ADGRV1: variants seen among roughly 807,000 people sequenced by gnomAD.
ADGRV1 encodes adhesion G protein-coupled receptor V1.
Under a neutral mutation model 596.2 loss-of-function variants are expected in ADGRV1, and 359 were observed. The ratio of observed to expected loss-of-function variants is 0.60; its 90% CI spans 0.55 to 0.66. The LOEUF is 0.66. ADGRV1 is among the 30% of genes least tolerant of loss of function. ADGRV1 has a pLI of 0.00. For synonymous variants in ADGRV1, 2,681 were observed against 2,679.2 expected, an observed-to-expected ratio of 1.00 and a Z score of -0.02; for missense variants, 7,274 against 7,575.6, an observed-to-expected ratio of 0.96 and a Z score of 1.48.
In ADGRV1 at chr5:90,666,903, GA is replaced by G. The variant is rs1380836064; in HGVS notation, c.4753-5639del. Among the ~76,000 whole-genome samples, 4 of 151,548 alleles carry G rather than the reference GA, an allele frequency of 2.6e-5. No homozygotes were observed. The East Asian group carries it at 7.9e-4, about 30-fold the overall frequency. ...TTGGCTGGATATGAAATTCTGGGTT[GA>G]AAATTCTTTTCTTTAAGAATGTTGA... On this transcript the variant is annotated intron_variant, in intron 21 of 89. Transcript: ENST00000405460.
At chr5:90,615,263 A>G (rs938824813) in intron 2 of ADGRV1, among the ~76,000 whole-genome samples, 1 of 151,920 alleles carries the variant, frequency 6.6e-6, no homozygotes, top group Non-Finnish European at 1.5e-5. Flanking sequence ...TAGTGTTCAT[A>G]TATTTATTTT....
At position 90,809,654 on chromosome 5, in the gene ADGRV1, C is replaced by T. The variant is rs114322174; in HGVS notation, c.14973-579C>T. Among the ~76,000 whole-genome samples, 1,327 of 152,168 alleles carry T rather than the reference C, an allele frequency of 8.7e-3. 26 individuals carry two copies. Among genetic ancestry groups the T allele is most frequent in the African/African-American group, 0.031 (1,283 of 41,512 alleles). ...CTGTAGACAGAATTAGGCCGAGAGACCAGCAGTTGTAACCTCTGATATAGC... is the reference window on the plus strand; with the variant it reads ...CTGTAGACAGAATTAGGCCGAGAGATCAGCAGTTGTAACCTCTGATATAGC... On this transcript the variant is annotated intron_variant, in intron 73 of 89. Coordinates refer to ENST00000405460, the MANE Select transcript of ADGRV1 (RefSeq NM_032119.4).
In ADGRV1 at chr5:90,888,151, A is replaced by G. The variant is rs540121418; in HGVS notation, c.17856+24294A>G. ...AATGTCATTACAGTATCAAACTACA[A>G]TGTGTATGAGATCTGTCATGTCACA... On this transcript the variant is annotated intron_variant, in intron 83 of 89. Coordinates refer to ENST00000405460, the MANE Select transcript of ADGRV1 (RefSeq NM_032119.4). Among the ~76,000 whole-genome samples the G allele has an allele frequency of 5.3e-5, 8 of 152,320 alleles. No individual in the cohort carries two copies. In the East Asian group the frequency reaches 1.5e-3, roughly 29 times the overall value.
intron 81 of ADGRV1, among the ~76,000 whole-genome samples, chr5:90,855,200 G>T (rs1766910011): frequency 6.6e-6 from 1 of 152,068 alleles, no homozygotes; most frequent in Non-Finnish European, 1.5e-5. Context: ...TGCTAAATTA[G>T]CCAGAATTCA....
intron 84 of ADGRV1, among the ~76,000 whole-genome samples, chr5:90,978,412 C>A (rs1270171568): frequency 2.6e-5 from 4 of 152,010 alleles, no homozygotes; most frequent in Non-Finnish European, 5.9e-5. Flanking sequence ...GGGAGTTCAG[C>A]CAAATCGATT....
At chr5:90,919,288 A>T (rs1485450704) in intron 83 of ADGRV1, among the ~76,000 whole-genome samples, 2 of 152,176 alleles carry the variant, frequency 1.3e-5, no homozygotes, top group African/African-American at 2.4e-5. Flanking sequence ...CAAACAATGG[A>T]TGAAAGAGAA....
intron 83 of ADGRV1, among the ~76,000 whole-genome samples, chr5:90,920,016 G>T (rs975027028): frequency 2.0e-3 from 249 of 123,556 alleles, no homozygotes; most frequent in African/African-American, 7.1e-3. Flanking sequence ...AAAAAAAAAA[G>T]AAAAATATTT....
At chr5:91,030,873 G>A (rs986172230) in intron 85 of ADGRV1, 13 of 465,036 alleles carry the variant, frequency 2.8e-5, no homozygotes, top group Admixed American at 7.5e-5. Flanking sequence ...TTTTTGAAAA[G>A]CCTCTGCCCC....
chr5:90,689,786 A>G (rs1269236464), intron 29 of ADGRV1, 75 bp from the exon 30 acceptor site: 2 of 968,494 alleles, frequency 2.1e-6, no homozygotes, highest in Non-Finnish European at 3.1e-6. Context: ...TTGTTACCTG[A>G]TAGTTTTTCC....
chr5:90,774,083 C>G, intron 59 of ADGRV1, 103 bp from the exon 60 acceptor site: 1 of 486,252 alleles, frequency 2.1e-6, no homozygotes, highest in Non-Finnish European at 3.6e-6. Flanking sequence ...AAAAGACACC[C>G]TTAAAAATGA....
At chr5:91,008,691 A>AG (rs1782484439) in intron 85 of ADGRV1, among the ~76,000 whole-genome samples, 1 of 151,750 alleles carries the variant, frequency 6.6e-6, no homozygotes, top group Non-Finnish European at 1.5e-5. Flanking sequence ...TTTAGTAGAG[A>AG]GGGGGTCTAA....
chr5:90,678,738 C>T (rs1204465246), intron 25 of ADGRV1, among the ~76,000 whole-genome samples: 2 of 151,188 alleles, frequency 1.3e-5, no homozygotes, highest in African/African-American at 4.9e-5. Context: ...AATGAACCCA[C>T]TCCCAGGATA....
At chr5:90,652,296 C>A in intron 18 of ADGRV1, 50 bp from the exon 19 acceptor site, 1 of 1,286,338 alleles carries the variant, frequency 7.8e-7, no homozygotes, top group South Asian at 1.6e-5. Flanking sequence ...AGGAAGCTCT[C>A]ATTAGAGTAA....
At chr5:90,883,642 C>A (rs1014414876) in intron 83 of ADGRV1, among the ~76,000 whole-genome samples, 2 of 152,130 alleles carry the variant, frequency 1.3e-5, no homozygotes, top group African/African-American at 4.8e-5. Flanking sequence ...CTAACTGCTA[C>A]TTCTCTGTTT....
chr5:91,035,874 T>TATATATAATATATATA (rs1784869131), intron 85 of ADGRV1, among the ~76,000 whole-genome samples: 1 of 137,666 alleles, frequency 7.3e-6, no homozygotes. Flanking sequence ...TATATATATA[T>TATATATAATATATATA]ATATATATCT....
chr5:90,611,726 G>T (rs553992952), intron 1 of ADGRV1, among the ~76,000 whole-genome samples: 1 of 151,850 alleles, frequency 6.6e-6, no homozygotes, highest in African/African-American at 2.4e-5. Flanking sequence ...TCTAGTAAGA[G>T]AAAAAAATGA....
intron 85 of ADGRV1, among the ~76,000 whole-genome samples, chr5:90,993,154 CTTT>C (rs1235025923): frequency 1.0e-5 from 1 of 97,636 alleles, no homozygotes; most frequent in African/African-American, 4.1e-5. Context: ...TTGGTTTTCA[CTTT>C]TTTTTTTTTT....
chr5:90,903,025 GC>G (rs1771992221), intron 83 of ADGRV1, among the ~76,000 whole-genome samples: 1 of 152,014 alleles, frequency 6.6e-6, no homozygotes, highest in Admixed American at 6.6e-5. Flanking sequence ...CATTGAGTTG[GC>G]TTCAATACTA....
chr5:90,954,884 A>G (rs1197118735), intron 83 of ADGRV1, among the ~76,000 whole-genome samples: 1 of 152,112 alleles, frequency 6.6e-6, no homozygotes, highest in Non-Finnish European at 1.5e-5. Context: ...TTTGCTTTGG[A>G]CTGAATCTTT....
Sources: allele counts gnomAD v4.1 joint callset (sites outside exome capture counted in the v4.1 genomes callset), GRCh38; gene constraint gnomAD v4.1.1; transcripts MANE v1.5; gene names NCBI Gene and HGNC (gene_info 2026-07-23, HGNC 2026-07-21).